The following DSCAML1 variants were observed in gnomAD, a reference collection of about 807,000 sequenced individuals.
The protein encoded by DSCAML1 is DS cell adhesion molecule like 1, also known as cell adhesion molecule DSCAML1.
DSCAML1 carries 38 observed loss-of-function variants against 200.5 expected under a neutral mutation model. That is an observed-to-expected ratio of 0.19 (90% confidence interval 0.15 to 0.25). DSCAML1 has a LOEUF of 0.25. DSCAML1 is among the 10% of genes least tolerant of loss of function. DSCAML1 has a pLI of 1.00. For missense variants in DSCAML1, 2,223 were observed against 2,858.8 expected (o/e 0.78, Z 5.07); for synonymous variants, 1,215 against 1,165.0 (o/e 1.04, Z -0.87).
At chr11:117,548,248 A>C (rs907479185) in intron 3 of DSCAML1, among the ~76,000 whole-genome samples, 1 of 152,228 alleles carries the variant, frequency 6.6e-6, no homozygotes, top group Non-Finnish European at 1.5e-5. Context: ...TTCTTGGGCT[A>C]AGGGTTTTCT....
At chr11:117,507,693 ACAC>A (rs933288332) in intron 8 of DSCAML1, among the ~76,000 whole-genome samples, 6 of 152,138 alleles carry the variant, frequency 3.9e-5, no homozygotes, top group African/African-American at 1.2e-4. Context: ...GCCCGAGTGA[ACAC>A]CACTGGGCAT....
intron 2 of DSCAML1, among the ~76,000 whole-genome samples, chr11:117,779,354 C>T (rs544121553): frequency 3.9e-5 from 6 of 152,286 alleles, no homozygotes; most frequent in South Asian, 4.1e-4. Context: ...CCCTTGGCCT[C>T]CCGACATAAT....
At chr11:117,481,140 G>A (rs775511463) in intron 13 of DSCAML1, 34 bp downstream of exon 13, 13 of 1,602,970 alleles carry the variant, frequency 8.1e-6, no homozygotes, top group Admixed American at 1.7e-5. Flanking sequence ...GCCCTGGGGA[G>A]GTGGGATGGG....
intron 3 of DSCAML1, among the ~76,000 whole-genome samples, chr11:117,597,707 C>T (rs948403240): frequency 6.6e-6 from 1 of 152,124 alleles, no homozygotes; most frequent in Non-Finnish European, 1.5e-5. Context: ...CCACCCGCTT[C>T]GGCCTCCCAA....
chr11:117,570,435 A>G (rs1565796127), intron 3 of DSCAML1, among the ~76,000 whole-genome samples: 1 of 152,114 alleles, frequency 6.6e-6, no homozygotes, highest in Non-Finnish European at 1.5e-5. Flanking sequence ...CACCATTTGA[A>G]GTTCTCTTAT....
At position 117,484,739 on chromosome 11, in the gene DSCAML1, T is replaced by C. The variant is rs2049002372; in HGVS notation, c.2360-2577A>G. On this transcript the variant is annotated intron_variant, in intron 11 of 32. Transcript: ENST00000651296. ...TTGCATTGCAGATGCCTCCATTTTT[T>C]ACTGGAGAATTGAGCTCGGGTGTCG... Among the ~76,000 whole-genome samples, 3 of 152,192 alleles carry C rather than the reference T, an allele frequency of 2.0e-5. No individual in the cohort carries two copies. The South Asian group carries it at 6.2e-4, about 31-fold the overall frequency.
Position 117,536,219 on chromosome 11 carries a change from C to G in DSCAML1, c.512-3697G>C, listed in dbSNP as rs1159447569. On this transcript the variant is annotated intron_variant, in intron 3 of 32. Coordinates refer to ENST00000651296, the MANE Select transcript of DSCAML1 (RefSeq NM_020693.4). ...TTTGATGAGCATCGGACGGTGGACC[C>G]TGCTGGGGAAGGAAGGAGCAAGAGG... is the stretch of plus-strand genomic sequence containing the variant. Among the ~76,000 whole-genome samples the G allele has an allele frequency of 2.6e-5, 4 of 152,216 alleles. No homozygotes were observed. The East Asian group carries it at 7.7e-4, about 29-fold the overall frequency.
At chr11:117,646,716 C>G (rs1422764965) in intron 3 of DSCAML1, among the ~76,000 whole-genome samples, 1 of 152,134 alleles carries the variant, frequency 6.6e-6, no homozygotes, top group Non-Finnish European at 1.5e-5. Flanking sequence ...CCACGGAAAT[C>G]AGTCCGCAAA....
chr11:117,581,132 T>C (rs369600814), intron 3 of DSCAML1, among the ~76,000 whole-genome samples: 1 of 152,204 alleles, frequency 6.6e-6, no homozygotes, highest in Non-Finnish European at 1.5e-5. Flanking sequence ...TGTGGCCCTT[T>C]TGCCCCTGTG....
At chr11:117,697,646 G>C (rs916920997) in intron 3 of DSCAML1, among the ~76,000 whole-genome samples, 2 of 151,978 alleles carry the variant, frequency 1.3e-5, no homozygotes, top group Admixed American at 6.6e-5. Flanking sequence ...CTGTCTCTAG[G>C]AATTTGAGTA....
intron 3 of DSCAML1, among the ~76,000 whole-genome samples, chr11:117,759,551 T>C (rs1048863850): frequency 6.6e-6 from 1 of 152,156 alleles, no homozygotes; most frequent in Non-Finnish European, 1.5e-5. Flanking sequence ...TCTCTTGTAA[T>C]GTGAGCTGGA....
chr11:117,609,784 T>G (rs1370184369), intron 3 of DSCAML1, among the ~76,000 whole-genome samples: 1 of 152,228 alleles, frequency 6.6e-6, no homozygotes, highest in Non-Finnish European at 1.5e-5. Flanking sequence ...AAATGATTTT[T>G]TTCTTGGTTT....
chr11:117,597,537 C>A (rs1026485575), intron 3 of DSCAML1, among the ~76,000 whole-genome samples: 1 of 152,206 alleles, frequency 6.6e-6, no homozygotes, highest in Admixed American at 6.5e-5. Flanking sequence ...CAACCTCCAC[C>A]CCCCAGGTTC....
chr11:117,714,523 A>G (rs778051522), intron 3 of DSCAML1, among the ~76,000 whole-genome samples: 1 of 152,116 alleles, frequency 6.6e-6, no homozygotes, highest in African/African-American at 2.4e-5. Context: ...GAAGAACAAG[A>G]AAGTTTCCGC....
chr11:117,677,675 A>G (rs2053239496), intron 3 of DSCAML1, among the ~76,000 whole-genome samples: 1 of 152,190 alleles, frequency 6.6e-6, no homozygotes, highest in Non-Finnish European at 1.5e-5. Context: ...CAGAAGGGAC[A>G]ATAACCATGG....
chr11:117,658,580 T>C (rs1429805059), intron 3 of DSCAML1, among the ~76,000 whole-genome samples: 1 of 152,174 alleles, frequency 6.6e-6, no homozygotes, highest in Non-Finnish European at 1.5e-5. Flanking sequence ...CGCCACAGTA[T>C]GTGGATCCAT....
chr11:117,483,667 C>A (rs2137223539), intron 11 of DSCAML1, among the ~76,000 whole-genome samples: 1 of 152,292 alleles, frequency 6.6e-6, no homozygotes, highest in African/African-American at 2.4e-5. Flanking sequence ...GGGAAGGGCG[C>A]CCAGGCAGGA....
chr11:117,547,703 A>G (rs1047405240), intron 3 of DSCAML1, among the ~76,000 whole-genome samples: 4 of 152,220 alleles, frequency 2.6e-5, no homozygotes, highest in African/African-American at 9.6e-5. Flanking sequence ...TGTGTCTGTA[A>G]GACTTGTGGT....
chr11:117,627,342 T>C (rs2052069631), intron 3 of DSCAML1, among the ~76,000 whole-genome samples: 1 of 152,108 alleles, frequency 6.6e-6, no homozygotes, highest in Non-Finnish European at 1.5e-5. Context: ...CTCACCACCA[T>C]CTGAGGTGGG....
Sources: allele counts gnomAD v4.1 joint callset (sites outside exome capture counted in the v4.1 genomes callset), GRCh38; gene constraint gnomAD v4.1.1; transcripts MANE v1.5; gene names NCBI Gene and HGNC (gene_info 2026-07-23, HGNC 2026-07-21).